SLC2A13: variants seen among roughly 807,000 people sequenced by gnomAD.
SLC2A13 encodes the protein solute carrier family 2 member 13.
Under a neutral mutation model 64.4 loss-of-function variants are expected in SLC2A13, and 32 were observed. That is an observed-to-expected ratio of 0.50 (90% CI 0.37 to 0.67). The LOEUF (loss-of-function observed/expected upper bound fraction) is 0.67, where lower values mean the gene tolerates loss of function less well. Among genes scored for constraint, SLC2A13 ranks in the 30% least tolerant of loss-of-function variants. The probability of loss-of-function intolerance (pLI) is 0.00; values close to 1 mark genes in which losing one functional copy is unlikely to be tolerated. For missense variants in SLC2A13, 743 were observed against 829.2 expected, an observed-to-expected ratio of 0.90 and a Z score of 1.28; for synonymous variants, 338 against 327.1, an observed-to-expected ratio of 1.03 and a Z score of -0.36.
chr12:40,105,218 G>T lies in SLC2A13; in HGVS notation c.556+35C>A. The T allele has an allele frequency of 1.3e-6, 2 of 1,521,032 alleles. No homozygotes were observed. Among genetic ancestry groups the T allele is most frequent in the Non-Finnish European group, 1.8e-6 (2 of 1,137,906 alleles). 94.2% of individuals were successfully genotyped at this position (1,521,032 alleles called of 1,614,324 possible). On this transcript the variant is annotated intron_variant, in intron 1 of 9. Transcript: ENST00000280871. The surrounding 1 kb of genome is among the most constrained non-coding windows in gnomAD (Gnocchi z 4.2). Reference sequence around the variant, plus strand: ...CCCAGGGTCAAGGGCGGTGACAATGGGATCCCGGGCGCCCTTCACGGAGCC... The same window carrying T: ...CCCAGGGTCAAGGGCGGTGACAATGTGATCCCGGGCGCCCTTCACGGAGCC...
chr12:39,911,157 T>C (rs1216558434), intron 4 of SLC2A13, among the ~76,000 whole-genome samples: 4 of 152,058 alleles, frequency 2.6e-5, no homozygotes, highest in Non-Finnish European at 5.9e-5. Flanking sequence ...TAAGTTACTT[T>C]GCACTCTAAT....
intron 2 of SLC2A13, among the ~76,000 whole-genome samples, chr12:40,039,540 GCTT>G (rs748541611): frequency 1.8e-4 from 28 of 152,062 alleles, no homozygotes; most frequent in Non-Finnish European, 2.2e-4. Context: ...GCTCATAATG[GCTT>G]CTTATGTGTT....
chr12:39,963,514 G>A (rs1356504029), intron 3 of SLC2A13, among the ~76,000 whole-genome samples: 1 of 152,058 alleles, frequency 6.6e-6, no homozygotes, highest in Non-Finnish European at 1.5e-5. Context: ...CTAGACAACA[G>A]GCTCCCATAA....
intron 4 of SLC2A13, among the ~76,000 whole-genome samples, chr12:39,934,058 C>G (rs1945877970): frequency 6.6e-6 from 1 of 152,166 alleles, no homozygotes; most frequent in Admixed American, 6.5e-5. Context: ...GTTAGATAGT[C>G]TGTCTGATTC....
In SLC2A13 at chr12:40,028,416, T is replaced by C. The variant is rs762033035; in HGVS notation, c.810A>G (p.Gly270=). The change falls in exon 3 of 10, where the codon GGA becomes GGG. Residue 270 remains glycine (G), a synonymous_variant. Transcript: ENST00000280871. ...PESPRWLIQK[G]QTQKARRILS... is the part of the protein sequence containing the mutation. ...AAATTCTACGGGCCTTCTGAGTCTG[T>C]CCTTTCTGAATAAGCCATCGAGGGC... is the stretch of plus-strand genomic sequence containing the variant. 8.7e-6 allele frequency: 14 copies of C among 1,614,004 alleles called. No individual in the cohort carries two copies. The highest frequency in any genetic ancestry group is 1.2e-5 in the Non-Finnish European group (14 of 1,180,014).
chr12:39,764,760 A>G lies in SLC2A13; in HGVS notation c.1544T>C (p.Leu515Ser). ...YSWTALLGLI[L>S]YLVFFAPGMG... Reference sequence around the variant, plus strand: ...ACCAGGTGCAAAGAAGACAAGATATAAAATAAGGCCCAGAAGTGCAGTCCA... The same window carrying G: ...ACCAGGTGCAAAGAAGACAAGATATGAAATAAGGCCCAGAAGTGCAGTCCA... Residue 515 changes from leucine to serine, a missense_variant, in exon 8 of 10, where the codon TTA (leucine) becomes TCA (serine). Coordinates refer to ENST00000280871, the MANE Select transcript of SLC2A13 (RefSeq NM_052885.4). The G allele has an allele frequency of 1.9e-6, 3 of 1,612,790 alleles. No individual in the cohort carries two copies. The East Asian group carries it at 6.7e-5, about 36-fold the overall frequency.
At chr12:39,882,787 A>G (rs1944374831) in intron 4 of SLC2A13, among the ~76,000 whole-genome samples, 1 of 152,204 alleles carries the variant, frequency 6.6e-6, no homozygotes, top group Admixed American at 6.5e-5. Context: ...TGCTGCTAGA[A>G]TTATTACTCT....
At chr12:39,895,500 A>C (rs1243775429) in intron 4 of SLC2A13, among the ~76,000 whole-genome samples, 3 of 60,348 alleles carry the variant, frequency 5.0e-5, no homozygotes, top group Admixed American at 2.1e-4. Flanking sequence ...AAAAAAAAAA[A>C]AAAAAAAAAA....
chr12:39,841,495 A>G (rs1943175701), intron 6 of SLC2A13, among the ~76,000 whole-genome samples: 1 of 152,126 alleles, frequency 6.6e-6, no homozygotes, highest in South Asian at 2.1e-4. Flanking sequence ...TTTGATCAAC[A>G]TAGTTAAAAA....
intron 7 of SLC2A13, among the ~76,000 whole-genome samples, chr12:39,820,768 TATATATATAA>T: frequency 3.6e-5 from 1 of 27,480 alleles, no homozygotes; most frequent in Non-Finnish European, 7.0e-5. Context: ...TATATATATA[TATATATATAA>T]AGCAACATGT....
At chr12:40,104,764 C>A (rs532838807) in intron 1 of SLC2A13, among the ~76,000 whole-genome samples, 1 of 152,274 alleles carries the variant, frequency 6.6e-6, no homozygotes, top group South Asian at 2.1e-4. Context: ...TCCAGAATTA[C>A]TTAACTCTAA....
At chr12:39,837,596 C>A (rs1434220631) in intron 6 of SLC2A13, among the ~76,000 whole-genome samples, 3 of 147,266 alleles carry the variant, frequency 2.0e-5, no homozygotes, top group Non-Finnish European at 4.5e-5. Flanking sequence ...ACTCATCTGA[C>A]AAAGGGCTAA....
At position 40,105,917 on chromosome 12, in the gene SLC2A13, T is replaced by C. The variant is rs1939295399; in HGVS notation, c.-109A>G. On this transcript the variant is annotated 5_prime_UTR_variant, in exon 1 of 10. Transcript: ENST00000280871. This position sits in a 1 kb window ranked among gnomAD's most constrained non-coding sequence, Gnocchi z 4.2. Reference sequence around the variant, plus strand: ...AGCAACCGCCGCTGCCGCCGCTTTCTTCCTCCCGGCTTCCGCTCCGGCTGC... The same window carrying C: ...AGCAACCGCCGCTGCCGCCGCTTTCCTCCTCCCGGCTTCCGCTCCGGCTGC... 8.1e-7 allele frequency: 1 copy of C among 1,227,046 alleles called. No individual in the cohort carries two copies. The highest frequency in any genetic ancestry group is 1.0e-6 in the Non-Finnish European group (1 of 968,792). The allele number at this position is 1,227,046 out of a possible 1,614,324, so 76.0% of individuals were successfully genotyped here. A position where few individuals can be genotyped will look rare whatever the true frequency, so the allele number is the denominator to read the frequency against.
chr12:39,805,653 T>TA (rs974905798), intron 7 of SLC2A13, among the ~76,000 whole-genome samples: 2 of 152,214 alleles, frequency 1.3e-5, no homozygotes, highest in African/African-American at 4.8e-5. Flanking sequence ...CAGCGCTCCT[T>TA]AAAAACAAAA....
intron 1 of SLC2A13, among the ~76,000 whole-genome samples, chr12:40,056,934 C>A (rs1418508933): frequency 1.3e-5 from 2 of 151,780 alleles, no homozygotes; most frequent in Admixed American, 6.6e-5. Context: ...GAGTCGAGAT[C>A]GCGCCATTGC....
intron 3 of SLC2A13, among the ~76,000 whole-genome samples, chr12:40,016,790 T>C (rs1947628702): frequency 6.6e-6 from 1 of 152,210 alleles, no homozygotes; most frequent in Admixed American, 6.5e-5. Context: ...CATGAGATTT[T>C]ATAACTTTCA....
Position 40,048,606 on chromosome 12 carries a change from T to A in SLC2A13, c.557-396A>T, listed in dbSNP as rs575897411. ...ATCAGACAATAGTGAGAATAAAAAA[T>A]TATCTTAGGATACATATTAACTATT... is the stretch of plus-strand genomic sequence containing the variant. On this transcript the variant is annotated intron_variant, in intron 1 of 9. Coordinates refer to ENST00000280871, the MANE Select transcript of SLC2A13 (RefSeq NM_052885.4). Among the ~76,000 whole-genome samples, 40 of 152,264 alleles carry A rather than the reference T, an allele frequency of 2.6e-4. No individual in the cohort carries two copies. The South Asian group carries it at 7.9e-3, about 30-fold the overall frequency.
At chr12:39,929,349 G>A (rs1383434493) in intron 4 of SLC2A13, among the ~76,000 whole-genome samples, 1 of 151,922 alleles carries the variant, frequency 6.6e-6, no homozygotes, top group Non-Finnish European at 1.5e-5. Context: ...TCAGGAGTTC[G>A]AGACTAGCCT....
intron 3 of SLC2A13, among the ~76,000 whole-genome samples, chr12:40,008,014 T>G (rs946194704): frequency 6.6e-6 from 1 of 152,182 alleles, no homozygotes; most frequent in Non-Finnish European, 1.5e-5. Flanking sequence ...CTGAGGTAAT[T>G]AAACAGCATC....
Sources: gnomAD v4.1 joint callset for allele counts (sites outside exome capture counted in the v4.1 genomes callset) on GRCh38, gnomAD v4.1.1 for gene constraint, Gnocchi (gnomAD v3.1) non-coding constraint, MANE v1.5 for transcripts, NCBI Gene and HGNC (gene_info 2026-07-23, HGNC 2026-07-21) for gene names.